Variants in CFAP210 observed in about 807,000 individuals in gnomAD.
The protein encoded by CFAP210 is cilia and flagella associated protein 210.
At chr2:169,652,868 C>T in the CFAP210 span, among the ~76,000 whole-genome samples, 3 of 147,876 alleles carry the variant, frequency 2.0e-5, no homozygotes, top group Admixed American at 6.7e-5. Context: ...GGCCTGGTGG[C>T]GGGCTCCTGT....
chr2:169,646,773 T>C, the CFAP210 span, among the ~76,000 whole-genome samples: 1 of 152,246 alleles, frequency 6.6e-6, no homozygotes, highest in Non-Finnish European at 1.5e-5. Context: ...ACCAATATTT[T>C]ATACAAATTT....
the CFAP210 span, chr2:169,662,412 C>CTCT: frequency 1.3e-6 from 2 of 1,595,482 alleles, no homozygotes; most frequent in East Asian, 4.5e-5. Context: ...TCCTTCTTTC[C>CTCT]TCTTCTTCCT....
At chr2:169,652,822 C>A in the CFAP210 span, among the ~76,000 whole-genome samples, 1 of 147,958 alleles carries the variant, frequency 6.8e-6, no homozygotes, top group Non-Finnish European at 1.5e-5. Flanking sequence ...GGTGAAACCC[C>A]GTCTCTACTA....
the CFAP210 span, chr2:169,649,035 T>G: frequency 1.6e-6 from 1 of 615,776 alleles, no homozygotes; most frequent in Admixed American, 3.5e-5. Flanking sequence ...GAAACAAACC[T>G]CACATTTTTA....
chr2:169,645,645 G>A, the CFAP210 span: 1 of 538,866 alleles, frequency 1.9e-6, no homozygotes, highest in South Asian at 2.6e-5. Context: ...GTAAACTTGT[G>A]TATTTTACCA....
the CFAP210 span, among the ~76,000 whole-genome samples, chr2:169,650,082 C>T: frequency 2.0e-5 from 3 of 152,150 alleles, no homozygotes; most frequent in Non-Finnish European, 4.4e-5. Flanking sequence ...ATAACCTTTG[C>T]GTTTCAGATG....
chr2:169,677,606 C>T, the CFAP210 span, among the ~76,000 whole-genome samples: 1 of 152,176 alleles, frequency 6.6e-6, no homozygotes, highest in Non-Finnish European at 1.5e-5. Flanking sequence ...ATACACTTAG[C>T]ATCATACTTA....
At chr2:169,675,040 C>A in the CFAP210 span, 3 of 1,477,724 alleles carry the variant, frequency 2.0e-6, no homozygotes, top group Middle Eastern at 1.8e-4. Context: ...TCTTTCATCC[C>A]CTGTAAAAAG....
the CFAP210 span, among the ~76,000 whole-genome samples, chr2:169,663,716 A>G: frequency 6.6e-6 from 1 of 151,402 alleles, no homozygotes; most frequent in Non-Finnish European, 1.5e-5. Context: ...AGTCAGATTC[A>G]CTCTCTTTAG....
chr2:169,686,496 A>G, the CFAP210 span, among the ~76,000 whole-genome samples: 2 of 152,364 alleles, frequency 1.3e-5, no homozygotes, highest in South Asian at 4.1e-4. Flanking sequence ...ATAGAGGCTC[A>G]GAAGTGCAAG....
chr2:169,674,754 TAAG>T, the CFAP210 span: 95 of 1,575,938 alleles, frequency 6.0e-5, no homozygotes, highest in South Asian at 2.0e-4. Context: ...ATAACTCTAC[TAAG>T]AAGAAGTCCC....
chr2:169,679,233 C>G, the CFAP210 span, among the ~76,000 whole-genome samples: 1 of 152,152 alleles, frequency 6.6e-6, no homozygotes, highest in African/African-American at 2.4e-5. Flanking sequence ...TTCTTTCCAA[C>G]TTTTATTTTA....
chr2:169,687,667 T>G, the CFAP210 span, among the ~76,000 whole-genome samples: 1 of 152,230 alleles, frequency 6.6e-6, no homozygotes, highest in African/African-American at 2.4e-5. Flanking sequence ...TTTCACGGAC[T>G]GGCATTGAGT....
At chr2:169,672,266 G>A in the CFAP210 span, among the ~76,000 whole-genome samples, 3 of 152,170 alleles carry the variant, frequency 2.0e-5, no homozygotes, top group African/African-American at 7.2e-5. Context: ...AATTTAAGCT[G>A]TAGGACTTTG....
chr2:169,679,416 AG>A, the CFAP210 span, among the ~76,000 whole-genome samples: 1 of 152,002 alleles, frequency 6.6e-6, no homozygotes, highest in African/African-American at 2.4e-5. Context: ...GCAGTGGCTC[AG>A]GCCTGTAATC....
the CFAP210 span, among the ~76,000 whole-genome samples, chr2:169,693,756 C>T: frequency 6.6e-6 from 1 of 152,002 alleles, no homozygotes; most frequent in Non-Finnish European, 1.5e-5. Flanking sequence ...AGAGAGAGAC[C>T]TTATATTTAC....
At chr2:169,670,804 T>C in the CFAP210 span, among the ~76,000 whole-genome samples, 2,419 of 152,278 alleles carry the variant, frequency 0.016, 66 homozygotes, top group African/African-American at 0.055. Context: ...TAAGCTTAGA[T>C]GTCACACACC....
the CFAP210 span, among the ~76,000 whole-genome samples, chr2:169,677,282 C>CCAATAT: frequency 6.6e-6 from 1 of 152,144 alleles, no homozygotes; most frequent in East Asian, 1.9e-4. Flanking sequence ...AAACTATGGA[C>CCAATAT]CAATATCCCT....
chr2:169,682,947 A>G, the CFAP210 span, among the ~76,000 whole-genome samples: 1 of 152,218 alleles, frequency 6.6e-6, no homozygotes, highest in Admixed American at 6.5e-5. Context: ...TGTTCTCAAC[A>G]AATATTAGCT....
Sources: gnomAD v4.1 joint callset for allele counts (sites outside exome capture counted in the v4.1 genomes callset) on GRCh38, gnomAD v4.1.1 for gene constraint, MANE v1.5 for transcripts, NCBI Gene and HGNC (gene_info 2026-07-23, HGNC 2026-07-21) for gene names.